The following NOL11 variants were observed in gnomAD, a reference collection of about 807,000 sequenced individuals.
NOL11 encodes nucleolar protein 11.
In NOL11, 42 loss-of-function variants were observed where a neutral mutation model predicts 93.0. That is an observed-to-expected ratio of 0.45 (90% CI 0.35 to 0.58). The LOEUF (loss-of-function observed/expected upper bound fraction) is 0.58, where lower values mean the gene tolerates loss of function less well. NOL11 is among the 20% of genes least tolerant of loss of function. NOL11 has a pLI of 0.00. For missense variants in NOL11, 775 were observed against 841.8 expected (o/e 0.92, Z 0.98); for synonymous variants, 296 against 293.7 (o/e 1.01, Z -0.08).
At chr17:67,733,466 T>C (rs1452410369) in intron 7 of NOL11, among the ~76,000 whole-genome samples, 1 of 152,146 alleles carries the variant, frequency 6.6e-6, no homozygotes, top group Admixed American at 6.5e-5. Context: ...TGTTTCTCAT[T>C]TTAGGGGGAC....
chr17:67,726,703 C>T (rs1265112283), intron 7 of NOL11, 55 bp downstream of exon 7: 15 of 1,264,968 alleles, frequency 1.2e-5, no homozygotes, highest in Non-Finnish European at 1.6e-5. Flanking sequence ...TCACGGTGTA[C>T]CTTTTAGTCT....
chr17:67,720,993 A>T (rs1297741217), intron 3 of NOL11, among the ~76,000 whole-genome samples: 1 of 152,204 alleles, frequency 6.6e-6, no homozygotes, highest in Non-Finnish European at 1.5e-5. Flanking sequence ...CTTTTTCTGG[A>T]ATTGCAGGCT....
At position 67,726,599 on chromosome 17, in the gene NOL11, G is replaced by T. The variant is rs2055096330; in HGVS notation, c.804G>T (p.Leu268=). ...NARNGVALTA[L]DQDHVAVLGS... ...GAAATGGAGTTGCACTCACTGCCCT[G>T]GATCAGGATCACGTCGCAGTCCTAG... Residue 268 remains leucine, a synonymous_variant, in exon 7 of 18, where the codon CTG becomes CTT. Transcript: ENST00000253247. 2 of 1,613,614 alleles carry T rather than the reference G, an allele frequency of 1.2e-6. No individual in the cohort carries two copies. Among genetic ancestry groups the T allele is most frequent in the Admixed American group, 3.3e-5 (2 of 59,868 alleles).
intron 8 of NOL11, among the ~76,000 whole-genome samples, chr17:67,735,481 C>G (rs1366380458): frequency 6.6e-6 from 1 of 151,470 alleles, no homozygotes; most frequent in Non-Finnish European, 1.5e-5. Context: ...CTTGTTCCCT[C>G]AGGCTTTTTT....
chr17:67,741,369 C>G (rs895596236), intron 16 of NOL11, among the ~76,000 whole-genome samples: 2 of 151,790 alleles, frequency 1.3e-5, no homozygotes, highest in Non-Finnish European at 1.5e-5. Flanking sequence ...CGTGCCCGGG[C>G]AAACTACAAT....
rs146002908 is a variant in NOL11 at position 67,721,534 on chromosome 17, C to T, written c.461+8C>T. ...TGATGAAGAAGTGATTAAGTAAGTTCCAGTACTTGTAAGTAAATTTATCAA... is the reference window on the plus strand; with the variant it reads ...TGATGAAGAAGTGATTAAGTAAGTTTCAGTACTTGTAAGTAAATTTATCAA... On this transcript the variant is annotated splice_region_variant and intron_variant, in intron 4 of 17. Coordinates refer to ENST00000253247, the MANE Select transcript of NOL11 (RefSeq NM_015462.5). The T allele has an allele frequency of 8.1e-6, 13 of 1,602,908 alleles. No homozygotes were observed. The highest frequency in any genetic ancestry group is 1.1e-5 in the Non-Finnish European group (13 of 1,175,038).
At chr17:67,734,304 C>T (rs2055181250) in intron 7 of NOL11, 59 bp from the exon 8 acceptor site, 1 of 967,994 alleles carries the variant, frequency 1.0e-6, no homozygotes, top group East Asian at 2.5e-5. Context: ...CCCCCCTTCC[C>T]CAAAATATCA....
chr17:67,734,764 C>G (rs1472317460), intron 8 of NOL11, among the ~76,000 whole-genome samples: 1 of 152,150 alleles, frequency 6.6e-6, no homozygotes, highest in Non-Finnish European at 1.5e-5. Context: ...TATGATTGTG[C>G]CTGTGAAGAG....
At chr17:67,724,506 G>C (rs2055069220) in intron 6 of NOL11, among the ~76,000 whole-genome samples, 1 of 151,888 alleles carries the variant, frequency 6.6e-6, no homozygotes, top group Non-Finnish European at 1.5e-5. Context: ...GCTCATTTTT[G>C]TATTTTTAGT....
At chr17:67,737,821 T>C in intron 12 of NOL11, 26 bp from the exon 13 acceptor site, 1 of 1,602,772 alleles carries the variant, frequency 6.2e-7, no homozygotes, top group Non-Finnish European at 8.5e-7. Flanking sequence ...TAATATGTAA[T>C]AGTGATTCAG....
At chr17:67,727,750 G>C (rs2055110149) in intron 7 of NOL11, among the ~76,000 whole-genome samples, 1 of 151,590 alleles carries the variant, frequency 6.6e-6, no homozygotes, top group Non-Finnish European at 1.5e-5. Context: ...GATTGCTTGA[G>C]GCCAGGAGTT....
chr17:67,734,628 C>T (rs181063165), intron 8 of NOL11, among the ~76,000 whole-genome samples, 189 bp downstream of exon 8: 72 of 152,256 alleles, frequency 4.7e-4, no homozygotes, highest in African/African-American at 1.7e-3. Context: ...GAAGAGATCT[C>T]TTTGAACCTA....
intron 9 of NOL11, 117 bp downstream of exon 9, chr17:67,736,140 G>T: frequency 2.0e-6 from 2 of 979,526 alleles, no homozygotes; most frequent in Non-Finnish European, 2.9e-6. Flanking sequence ...GAAATTTACC[G>T]CTGTTTATTG....
At chr17:67,728,104 C>CA in intron 7 of NOL11, among the ~76,000 whole-genome samples, 1 of 151,732 alleles carries the variant, frequency 6.6e-6, no homozygotes, top group South Asian at 2.1e-4. Context: ...ACTAAAAATA[C>CA]AAAAAATTAG....
chr17:67,737,565 A>G lies in NOL11; in HGVS notation c.1276A>G (p.Thr426Ala). The stretch of plus-strand genomic sequence containing the variant: ...ACGGAAATTTTTGGCTCTGAAGCAG[A>G]CACCTGACTTTCATACTGTCATTGG... ...EVRKFLALKQ[T>A]PDFHTVIGDT... Residue 426 changes from threonine (T) to alanine (A), a missense_variant, in exon 12 of 18, where the codon ACA becomes GCA. By Grantham distance (58) the Thr-to-Ala change is moderately conservative (BLOSUM62 0). Coordinates refer to ENST00000253247, the MANE Select transcript of NOL11 (RefSeq NM_015462.5). The G allele has an allele frequency of 1.2e-6, 2 of 1,612,746 alleles. No individual in the cohort carries two copies. Among genetic ancestry groups the G allele is most frequent in the South Asian group, 2.2e-5 (2 of 90,678 alleles).
chr17:67,739,717 G>A (rs967912365), intron 16 of NOL11, 109 bp downstream of exon 16: 28 of 670,810 alleles, frequency 4.2e-5, no homozygotes, highest in Middle Eastern at 3.9e-4. Flanking sequence ...TTCCTAGGCC[G>A]TAGGAATCCC....
At position 67,726,552 on chromosome 17, in the gene NOL11, G is replaced by T. The variant is rs1042393243; in HGVS notation, c.757G>T (p.Ala253Ser). ...CTTAGTTAAATCACTGCTGCTCAAGGCTGTTGTATCTGGTAACGCTCGAAA... is the reference window on the plus strand; with the variant it reads ...CTTAGTTAAATCACTGCTGCTCAAGTCTGTTGTATCTGGTAACGCTCGAAA... ...QSLVKSLLLK[A>S]VVSGNARNGV... The change falls in exon 7 of 18, where the codon GCT (alanine) becomes TCT (serine). Residue 253 changes from alanine (A) to serine (S), a missense_variant. By Grantham distance (99) the Ala-to-Ser change is moderately conservative (BLOSUM62 1). Around this residue, in one of 2 missense-constraint regions of NOL11, gnomAD observed 359 missense variants for 316.5 expected, o/e 1.13. Coordinates refer to ENST00000253247, the MANE Select transcript of NOL11 (RefSeq NM_015462.5). 1.2e-6 allele frequency: 2 copies of T among 1,614,142 alleles called. No individual in the cohort carries two copies. Among genetic ancestry groups the T allele is most frequent in the Non-Finnish European group, 1.7e-6 (2 of 1,180,020 alleles).
Position 67,738,233 on chromosome 17 carries a change from A to G in NOL11, c.1641A>G (p.Gln547=), listed in dbSNP as rs138957141. Residue 547 remains glutamine (Q), a synonymous_variant, in exon 14 of 18, where the codon CAA becomes CAG. Transcript: ENST00000253247. ...TGGAAGAGCAAACTGAAATTCTTCA[A>G]AATGGCTTCAATCCTGAAGAAGATA... is the stretch of plus-strand genomic sequence containing the variant. ...EKMEEQTEIL[Q]NGFNPEEDKC... 8.7e-3 allele frequency: 14,088 copies of G among 1,612,510 alleles called. 95 individuals are homozygous for G. Among genetic ancestry groups the G allele is most frequent in the Admixed American group, 0.027 (1,646 of 60,020 alleles).
chr17:67,733,471 G>A (rs930245423), intron 7 of NOL11, among the ~76,000 whole-genome samples: 1 of 152,110 alleles, frequency 6.6e-6, no homozygotes, highest in Non-Finnish European at 1.5e-5. Context: ...CTCATTTTAG[G>A]GGGACAGTTT....
Sources: allele counts gnomAD v4.1 joint callset (sites outside exome capture counted in the v4.1 genomes callset), GRCh38; gene constraint gnomAD v4.1.1; regional missense constraint gnomAD v4.1.1; transcripts MANE v1.5; gene names NCBI Gene and HGNC (gene_info 2026-07-23, HGNC 2026-07-21).